Variants in IGF1R observed in about 807,000 individuals in gnomAD.
IGF1R encodes insulin like growth factor 1 receptor, also known as insulin-like growth factor 1 receptor.
In IGF1R, 44 loss-of-function variants were observed where a neutral mutation model predicts 144.6. The observed-to-expected ratio is 0.30, with a 90% CI of 0.24 to 0.39. The LOEUF (loss-of-function observed/expected upper bound fraction) is 0.39, where lower values mean the gene tolerates loss of function less well. Ranked by LOEUF, IGF1R falls within the 10% of genes least tolerant of loss-of-function variation. IGF1R has a pLI of 1.00. For synonymous variants in IGF1R, 795 were observed against 722.8 expected, an observed-to-expected ratio of 1.10 and a Z score of -1.60; for missense variants, 1,355 against 1,833.7, an observed-to-expected ratio of 0.74 and a Z score of 4.77.
In IGF1R at chr15:98,790,292, T is replaced by G. The variant is rs1022643531; in HGVS notation, c.640+82185T>G. Among the ~76,000 whole-genome samples the G allele has an allele frequency of 6.6e-4, 100 of 152,316 alleles. 1 individual carries two copies. The highest frequency in any genetic ancestry group is 2.2e-3 in the African/African-American group (93 of 41,562). ...CTTGCCTAGAAAGATCATCACTCTTTTTATTTAAAAGAAACATGTGAAAGA... is the reference window on the plus strand; with the variant it reads ...CTTGCCTAGAAAGATCATCACTCTTGTTATTTAAAAGAAACATGTGAAAGA... On this transcript the variant is annotated intron_variant, in intron 2 of 20. Coordinates refer to ENST00000650285, the MANE Select transcript of IGF1R (RefSeq NM_000875.5).
At chr15:98,764,470 A>G (rs975190625) in intron 2 of IGF1R, among the ~76,000 whole-genome samples, 6 of 152,218 alleles carry the variant, frequency 3.9e-5, no homozygotes, top group African/African-American at 1.2e-4. Context: ...TTTGCACCAG[A>G]GGAATTACAT....
At chr15:98,796,414 C>T (rs2056243033) in intron 2 of IGF1R, among the ~76,000 whole-genome samples, 1 of 152,226 alleles carries the variant, frequency 6.6e-6, no homozygotes, top group African/African-American at 2.4e-5. Flanking sequence ...TGGGTGAGCA[C>T]TTCCATTTCT....
At chr15:98,737,920 G>A (rs1221884088) in intron 2 of IGF1R, among the ~76,000 whole-genome samples, 1 of 152,174 alleles carries the variant, frequency 6.6e-6, no homozygotes, top group African/African-American at 2.4e-5. Flanking sequence ...GGCCTTTGAT[G>A]TCTGCTCTAG....
intron 17 of IGF1R, among the ~76,000 whole-genome samples, chr15:98,938,511 T>C (rs994829727): frequency 1.3e-5 from 2 of 152,254 alleles, no homozygotes; most frequent in African/African-American, 4.8e-5. Context: ...GTTGCTGTCC[T>C]CTGCAAAGAG....
intron 2 of IGF1R, among the ~76,000 whole-genome samples, chr15:98,802,546 C>G (rs894076078): frequency 6.6e-5 from 10 of 152,182 alleles, no homozygotes; most frequent in African/African-American, 2.2e-4. Context: ...TTTTGTGGAA[C>G]AAAGTGTGTA....
At chr15:98,883,205 G>A (rs540897420) in intron 2 of IGF1R, among the ~76,000 whole-genome samples, 35 of 152,312 alleles carry the variant, frequency 2.3e-4, no homozygotes, top group Non-Finnish European at 3.5e-4. Context: ...TTCTTTTGCC[G>A]TGCGTAGCTG....
chr15:98,787,955 A>G (rs1439204862), intron 2 of IGF1R, among the ~76,000 whole-genome samples: 2 of 151,804 alleles, frequency 1.3e-5, no homozygotes, highest in African/African-American at 4.8e-5. Context: ...AAGGGAAAGT[A>G]GGGTTTTTAG....
intron 1 of IGF1R, among the ~76,000 whole-genome samples, chr15:98,682,607 G>A (rs1405189220): frequency 1.3e-5 from 2 of 152,086 alleles, no homozygotes; most frequent in Non-Finnish European, 2.9e-5. Context: ...GAGTGCAGTG[G>A]CCTGATCTCG....
At chr15:98,897,898 T>TG (rs964228819) in intron 4 of IGF1R, among the ~76,000 whole-genome samples, 47 of 151,338 alleles carry the variant, frequency 3.1e-4, no homozygotes, top group South Asian at 8.4e-4. Flanking sequence ...AAAGGAATTT[T>TG]GGGGGGGGAA....
intron 1 of IGF1R, among the ~76,000 whole-genome samples, chr15:98,700,789 C>T (rs1415111869): frequency 6.6e-6 from 1 of 152,084 alleles, no homozygotes; most frequent in Non-Finnish European, 1.5e-5. Flanking sequence ...GCCTCCCACT[C>T]TTCCTGGCAA....
chr15:98,878,679 A>C (rs1321598982), intron 2 of IGF1R, among the ~76,000 whole-genome samples: 4 of 98,686 alleles, frequency 4.1e-5, no homozygotes, highest in African/African-American at 8.9e-5. Context: ...AAAAAAAAAA[A>C]AAAAAAAAAA....
At chr15:98,703,150 T>C (rs771278984) in intron 1 of IGF1R, among the ~76,000 whole-genome samples, 1 of 152,100 alleles carries the variant, frequency 6.6e-6, no homozygotes, top group Admixed American at 6.5e-5. Flanking sequence ...GCTTCCCTGC[T>C]TGTCTTATTC....
chr15:98,782,743 AAT>A (rs1449354236), intron 2 of IGF1R, among the ~76,000 whole-genome samples: 1 of 152,218 alleles, frequency 6.6e-6, no homozygotes, highest in African/African-American at 2.4e-5. Flanking sequence ...TTTAGTTTAA[AAT>A]AGTCTTGTTC....
intron 15 of IGF1R, among the ~76,000 whole-genome samples, chr15:98,932,000 C>G (rs2015961735): frequency 6.6e-6 from 1 of 152,194 alleles, no homozygotes; most frequent in Non-Finnish European, 1.5e-5. Flanking sequence ...GACTGTGACT[C>G]TACGAGAGAA....
At chr15:98,795,214 G>C (rs1221540960) in intron 2 of IGF1R, among the ~76,000 whole-genome samples, 1 of 152,114 alleles carries the variant, frequency 6.6e-6, no homozygotes, top group Non-Finnish European at 1.5e-5. Context: ...TTCAAAATGG[G>C]GCGAAAGAGG....
intron 18 of IGF1R, among the ~76,000 whole-genome samples, chr15:98,941,683 GACA>G (rs1347969652): frequency 2.6e-5 from 4 of 152,166 alleles, no homozygotes; most frequent in Non-Finnish European, 5.9e-5. Flanking sequence ...TGACAAATAT[GACA>G]AGTAATTTTA....
Position 98,704,848 on chromosome 15 carries a change from C to T in IGF1R, c.95-2714C>T, listed in dbSNP as rs1312174308. On this transcript the variant is annotated intron_variant, in intron 1 of 20. Coordinates refer to ENST00000650285, the MANE Select transcript of IGF1R (RefSeq NM_000875.5). This position sits in a 1 kb window ranked among gnomAD's most constrained non-coding sequence, Gnocchi z 4.9. ...TTGTGGGAAGAGCAACCAAGATTCT[C>T]ATAGGCTTGGGAGCGGAAGCCCTGA... 6.6e-6 allele frequency among the ~76,000 whole-genome samples: 1 copy of T among 152,064 alleles called. No individual in the cohort carries two copies. Among genetic ancestry groups the T allele is most frequent in the Non-Finnish European group, 1.5e-5 (1 of 68,024 alleles).
intron 2 of IGF1R, among the ~76,000 whole-genome samples, chr15:98,811,088 G>C (rs955328709): frequency 6.6e-6 from 1 of 151,688 alleles, no homozygotes; most frequent in African/African-American, 2.4e-5. Flanking sequence ...ATCACCTGAG[G>C]TCAGGAGTTC....
intron 2 of IGF1R, among the ~76,000 whole-genome samples, chr15:98,710,378 C>T (rs894733684): frequency 1.3e-4 from 20 of 152,284 alleles, no homozygotes; most frequent in African/African-American, 4.8e-5. Flanking sequence ...TGAATCAGAA[C>T]TTCCTCTTGG....
Sources: allele counts gnomAD v4.1 joint callset (sites outside exome capture counted in the v4.1 genomes callset), GRCh38; gene constraint gnomAD v4.1.1; non-coding constraint Gnocchi (gnomAD v3.1); transcripts MANE v1.5; gene names NCBI Gene and HGNC (gene_info 2026-07-23, HGNC 2026-07-21).